Variants in ANKRD17 observed in about 807,000 individuals in gnomAD.
ANKRD17 encodes the protein ankyrin repeat domain 17.
Under a neutral mutation model 229.7 loss-of-function variants are expected in ANKRD17, and 19 were observed. The ratio of observed to expected loss-of-function variants is 0.08; its 90% confidence interval spans 0.06 to 0.12. ANKRD17 has a LOEUF of 0.12. Ranked by LOEUF, ANKRD17 falls within the 10% of genes least tolerant of loss-of-function variation. The pLI is 1.00. For missense variants in ANKRD17, 2,176 were observed against 3,176.8 expected (o/e 0.68, Z 7.57); for synonymous variants, 1,112 against 1,146.1 (o/e 0.97, Z 0.60).
chr4:73,122,332 T>C (rs1726851151), intron 18 of ANKRD17, among the ~76,000 whole-genome samples: 1 of 152,186 alleles, frequency 6.6e-6, no homozygotes, highest in Non-Finnish European at 1.5e-5. Context: ...GGTTGTACTA[T>C]GTACACTCCC....
At chr4:73,086,944 A>G (rs1471874465) in intron 29 of ANKRD17, among the ~76,000 whole-genome samples, 1 of 90,448 alleles carries the variant, frequency 1.1e-5, no homozygotes, top group African/African-American at 4.2e-5. Flanking sequence ...ATATATATAT[A>G]TATATATATC....
intron 1 of ANKRD17, among the ~76,000 whole-genome samples, chr4:73,253,197 T>G (rs915779741): frequency 5.3e-5 from 8 of 152,206 alleles, no homozygotes; most frequent in African/African-American, 1.7e-4. Flanking sequence ...CTGCCAACAT[T>G]TGTATACTTT....
intron 19 of ANKRD17, 119 bp from the exon 20 acceptor site, chr4:73,121,213 A>G: frequency 1.1e-6 from 1 of 926,652 alleles, no homozygotes; most frequent in Non-Finnish European, 1.7e-6. Context: ...TAAAATATCC[A>G]TTTTTCTCAA....
At position 73,091,650 on chromosome 4, in the gene ANKRD17, G is replaced by C; in HGVS notation, c.5978C>G (p.Ser1993Cys). ...TSTNGSPSSPSVRRQLFVTVV... is the reference protein window; with the variant it reads ...TSTNGSPSSPCVRRQLFVTVV... The stretch of plus-strand genomic sequence containing the variant: ...TGTGACAAAAAGCTGCCTTCGGACA[G>C]AAGGTGAACTTGGACTGCCATTTGT... The change falls in exon 29 of 34, where the codon TCT becomes TGT. Residue 1993 changes from serine to cysteine, a missense_variant. Ser to Cys is a moderately radical substitution (Grantham distance 112). Coordinates refer to ENST00000358602, the MANE Select transcript of ANKRD17 (RefSeq NM_032217.5). 6.2e-7 allele frequency: 1 copy of C among 1,614,260 alleles called. No individual in the cohort carries two copies. The highest frequency in any genetic ancestry group is 8.5e-7 in the Non-Finnish European group (1 of 1,180,050).
At chr4:73,159,540 T>A (rs1732220629) in intron 3 of ANKRD17, among the ~76,000 whole-genome samples, 1 of 152,234 alleles carries the variant, frequency 6.6e-6, no homozygotes, top group South Asian at 2.1e-4. Context: ...AAGTCCACCA[T>A]CTTTCTCAAA....
At chr4:73,090,458 T>A (rs770699678) in intron 29 of ANKRD17, among the ~76,000 whole-genome samples, 3 of 152,104 alleles carry the variant, frequency 2.0e-5, no homozygotes, top group Non-Finnish European at 2.9e-5. Context: ...GACTTATTTA[T>A]GGAAAATTAA....
chr4:73,255,898 G>C (rs532284915), intron 1 of ANKRD17, among the ~76,000 whole-genome samples: 1 of 152,158 alleles, frequency 6.6e-6, no homozygotes, highest in South Asian at 2.1e-4. Context: ...TAATTTTTTT[G>C]TATTTTTAGT....
chr4:73,091,206 G>C lies in ANKRD17; in HGVS notation c.6422C>G (p.Ala2141Gly). Residue 2141 changes from alanine to glycine, a missense_variant, in exon 29 of 34, where the codon GCA (alanine) becomes GGA (glycine). Ala to Gly is a moderately conservative substitution (Grantham distance 60, BLOSUM62 0). Around this residue, in one of 18 missense-constraint regions of ANKRD17, gnomAD observed 424 missense variants for 454.0 expected, o/e 0.93. Coordinates refer to ENST00000358602, the MANE Select transcript of ANKRD17 (RefSeq NM_032217.5). ...PEVRMTVPPL[A>G]TSSAPVAVPS... ...CACCGCCACTGGAGCAGAACTTGTT[G>C]CTAAAGGAGGAACAGTCATTCTAAC... 3 of 1,614,214 alleles carry C rather than the reference G, an allele frequency of 1.9e-6. No individual in the cohort carries two copies. Among genetic ancestry groups the C allele is most frequent in the Non-Finnish European group, 2.5e-6 (3 of 1,180,052 alleles).
At chr4:73,121,795 G>T in intron 18 of ANKRD17, 36 bp from the exon 19 acceptor site, 1 of 1,551,182 alleles carries the variant, frequency 6.4e-7, no homozygotes, top group East Asian at 2.3e-5. Context: ...GTTTTCTTAT[G>T]GAGAGACAAA....
At chr4:73,128,707 T>C (rs1727800095) in intron 16 of ANKRD17, among the ~76,000 whole-genome samples, 1 of 152,170 alleles carries the variant, frequency 6.6e-6, no homozygotes, top group South Asian at 2.1e-4. Flanking sequence ...TAATATATTA[T>C]GAGATTTCAA....
rs371681513 is a variant in ANKRD17 at position 73,098,618 on chromosome 4, TCTA to T, written c.4574-101_4574-99del. 6.3e-5 allele frequency: 69 copies of T among 1,101,728 alleles called. No individual in the cohort carries two copies. In the African/African-American group the frequency reaches 8.7e-4, roughly 14 times the overall value. The allele number at this position is 1,101,728 out of a possible 1,614,324, so 68.2% of individuals were successfully genotyped here. On this transcript the variant is annotated intron_variant, in intron 25 of 33. Coordinates refer to ENST00000358602, the MANE Select transcript of ANKRD17 (RefSeq NM_032217.5). ...GAAAAGAAAAACCCAGGAGAGATAC[TCTA>T]CTACTATTAGCCATGTAAGTTATTC...
chr4:73,161,865 A>AT (rs1362539178), intron 2 of ANKRD17, among the ~76,000 whole-genome samples: 1 of 151,776 alleles, frequency 6.6e-6, no homozygotes, highest in Non-Finnish European at 1.5e-5. Context: ...TCTACATTTT[A>AT]TTTTTTTTAA....
chr4:73,237,062 T>C (rs1401904372), intron 1 of ANKRD17, among the ~76,000 whole-genome samples: 2 of 152,228 alleles, frequency 1.3e-5, no homozygotes, highest in African/African-American at 4.8e-5. Context: ...TGTGGTTTAA[T>C]GAAACTGGAA....
At chr4:73,082,770 T>C (rs1040532846) in intron 30 of ANKRD17, among the ~76,000 whole-genome samples, 11 of 152,270 alleles carry the variant, frequency 7.2e-5, no homozygotes, top group African/African-American at 2.4e-4. Flanking sequence ...AGTTCTAGAT[T>C]ATTTGAGACT....
chr4:73,095,132 C>T (rs1723161936), intron 27 of ANKRD17, among the ~76,000 whole-genome samples: 1 of 151,884 alleles, frequency 6.6e-6, no homozygotes, highest in South Asian at 2.1e-4. Context: ...TGAGATTGCA[C>T]CACTGCACTC....
intron 30 of ANKRD17, among the ~76,000 whole-genome samples, chr4:73,081,833 C>G (rs1335593692): frequency 1.3e-5 from 2 of 152,148 alleles, no homozygotes. Flanking sequence ...ATTGAAAGAG[C>G]AATGTGATTT....
At chr4:73,148,540 C>T (rs750824535) in intron 8 of ANKRD17, among the ~76,000 whole-genome samples, 1 of 151,996 alleles carries the variant, frequency 6.6e-6, no homozygotes, top group South Asian at 2.1e-4. Flanking sequence ...TCTTATATTC[C>T]CCTATTTAAC....
intron 25 of ANKRD17, among the ~76,000 whole-genome samples, chr4:73,099,299 C>T (rs1003221019): frequency 6.6e-6 from 1 of 152,050 alleles, no homozygotes; most frequent in African/African-American, 2.4e-5. Flanking sequence ...ACCCTCACCA[C>T]CACACTACAC....
chr4:73,132,147 C>A (rs370568129), intron 16 of ANKRD17, among the ~76,000 whole-genome samples: 2 of 151,200 alleles, frequency 1.3e-5, no homozygotes, highest in African/African-American at 2.4e-5. Context: ...ACTCTGTCGC[C>A]CAGGCTGGAG....
Sources: gnomAD v4.1 joint callset for allele counts (sites outside exome capture counted in the v4.1 genomes callset) on GRCh38, gnomAD v4.1.1 for gene constraint, gnomAD v4.1.1 regional missense constraint, MANE v1.5 for transcripts, NCBI Gene and HGNC (gene_info 2026-07-23, HGNC 2026-07-21) for gene names.